DNAJC24: variants seen among roughly 807,000 people sequenced by gnomAD.
DNAJC24 encodes the protein dnaJ homolog subfamily C member 24.
In DNAJC24, 17 loss-of-function variants were observed where a neutral mutation model predicts 18.0. The observed-to-expected ratio is 0.94, with a 90% CI of 0.65 to 1.42. The LOEUF is 1.42. Among genes scored for constraint, DNAJC24 ranks in the 40% most tolerant of loss-of-function variants. DNAJC24 has a pLI of 0.00. For synonymous variants in DNAJC24, 55 were observed against 57.7 expected (o/e 0.95, Z 0.21); for missense variants, 158 against 175.6 (o/e 0.90, Z 0.57).
In DNAJC24 at chr11:31,370,753, TGGC is replaced by T; in HGVS notation, c.8_10del (p.Ala3del). On this transcript the variant is annotated inframe_deletion, in exon 2 of 5. Transcript: ENST00000465995. The stretch of plus-strand genomic sequence containing the variant: ...GGCCCACTTCTGGTTCCATGGATGA[TGGC>T]GGTTGAGCAGATGCCAAAAAAGGAT... 6.2e-7 allele frequency: 1 copy of T among 1,605,230 alleles called. No individual in the cohort carries two copies. The highest frequency in any genetic ancestry group is 8.5e-7 in the Non-Finnish European group (1 of 1,176,406).
At chr11:31,383,717 G>T (rs972034377) in intron 2 of DNAJC24, among the ~76,000 whole-genome samples, 24 of 152,224 alleles carry the variant, frequency 1.6e-4, no homozygotes. Flanking sequence ...CCCCCGGATT[G>T]CTGTATTGTG....
Position 31,430,530 on chromosome 11 carries a change from A to C in DNAJC24, c.*129A>C. 1.6e-6 allele frequency: 1 copy of C among 609,980 alleles called. No individual in the cohort carries two copies. Among genetic ancestry groups the C allele is most frequent in the Non-Finnish European group, 2.5e-6 (1 of 395,082 alleles). 37.8% of individuals were successfully genotyped at this position (609,980 alleles called of 1,614,324 possible). A position where few individuals can be genotyped will look rare whatever the true frequency, so the allele number is the denominator to read the frequency against. ...TTTGCAAAGAAAATATACAATTATC[A>C]AGCAGAGACCACCTCAGATTAATAG... On this transcript the variant is annotated 3_prime_UTR_variant, in exon 5 of 5. Transcript: ENST00000465995.
chr11:31,400,342 C>T (rs1952588541), intron 2 of DNAJC24, among the ~76,000 whole-genome samples: 1 of 152,110 alleles, frequency 6.6e-6, no homozygotes, highest in African/African-American at 2.4e-5. Flanking sequence ...ACACTGTCTT[C>T]CACAATGGTT....
intron 2 of DNAJC24, chr11:31,408,470 C>A: frequency 4.1e-6 from 1 of 244,302 alleles, no homozygotes; most frequent in Non-Finnish European, 8.2e-6. Context: ...AGCACTTAGA[C>A]TTAATATGTA....
At chr11:31,394,466 T>A (rs508689) in intron 2 of DNAJC24, among the ~76,000 whole-genome samples, 63,359 of 151,832 alleles carry the variant, frequency 0.42, 14,169 homozygotes, top group African/African-American at 0.57. Flanking sequence ...ATTAACGAGG[T>A]TCAACTAATT....
intron 2 of DNAJC24, among the ~76,000 whole-genome samples, chr11:31,388,472 A>G (rs1366125328): frequency 1.3e-5 from 2 of 152,218 alleles, no homozygotes; most frequent in African/African-American, 4.8e-5. Flanking sequence ...ACATATTTAA[A>G]GTGCTGAAGG....
intron 2 of DNAJC24, chr11:31,408,275 T>A: frequency 2.3e-6 from 1 of 444,378 alleles, no homozygotes; most frequent in Non-Finnish European, 4.5e-6. Flanking sequence ...GCGTAACAGT[T>A]GCTTGGAGAG....
chr11:31,387,050 T>C (rs1456293389), intron 2 of DNAJC24, among the ~76,000 whole-genome samples: 1 of 152,162 alleles, frequency 6.6e-6, no homozygotes, highest in East Asian at 1.9e-4. Flanking sequence ...AAAGACATTG[T>C]CTTGTGGCTT....
chr11:31,426,398 G>T (rs746177543), intron 4 of DNAJC24, 43 bp downstream of exon 4: 51 of 1,139,542 alleles, frequency 4.5e-5, no homozygotes, highest in Non-Finnish European at 6.0e-5. Context: ...AAAAAAAAAG[G>T]AATTTTCTAT....
rs567526415 is a variant in DNAJC24 at position 31,373,010 on chromosome 11, A to G, written c.111+2151A>G. ...ATTTATCTGATGACTAATGATGTTG[A>G]GCCCTTTTTAATGTGATAATTGGCC... On this transcript the variant is annotated intron_variant, in intron 2 of 4. Coordinates refer to ENST00000465995, the MANE Select transcript of DNAJC24 (RefSeq NM_181706.5). Among the ~76,000 whole-genome samples, 9 of 134,270 alleles carry G rather than the reference A, an allele frequency of 6.7e-5. 1 individual carries two copies. Among genetic ancestry groups the G allele is most frequent in the African/African-American group, 2.2e-4 (9 of 40,206 alleles). The allele number at this position is 134,270 out of a possible 152,430, so 88.1% of individuals were successfully genotyped here.
intron 2 of DNAJC24, among the ~76,000 whole-genome samples, chr11:31,406,346 G>C (rs1952658458): frequency 6.6e-6 from 1 of 152,150 alleles, no homozygotes; most frequent in African/African-American, 2.4e-5. Context: ...CTCTCCTCCT[G>C]TATGTTGCTG....
At position 31,432,661 on chromosome 11, in the gene DNAJC24, C is replaced by G. The variant is rs893707456; in HGVS notation, c.*2260C>G. 1.2e-6 allele frequency: 1 copy of G among 810,326 alleles called. No individual in the cohort carries two copies. The allele number at this position is 810,326 out of a possible 1,614,324, so 50.2% of individuals were successfully genotyped here. A position where few individuals can be genotyped will look rare whatever the true frequency, so the allele number is the denominator to read the frequency against. On this transcript the variant is annotated 3_prime_UTR_variant, in exon 5 of 5. Coordinates refer to ENST00000465995, the MANE Select transcript of DNAJC24 (RefSeq NM_181706.5). ...TTGCTATCTGTCCCTTTTCTCTATG[C>G]CAGATAAACACTTTCTCCTTACTCA...
At position 31,431,629 on chromosome 11, in the gene DNAJC24, T is replaced by A. The variant is rs1952924811; in HGVS notation, c.*1228T>A. 1 of 151,094 alleles carries A rather than the reference T, an allele frequency of 6.6e-6. No homozygotes were observed. The highest frequency in any genetic ancestry group is 2.1e-4 in the South Asian group (1 of 4,762). 9.4% of individuals were successfully genotyped at this position (151,094 alleles called of 1,614,324 possible). A position where few individuals can be genotyped will look rare whatever the true frequency, so the allele number is the denominator to read the frequency against. ...GAGTTCAAGACCACCCTGGCCAACATGGTGAAACCCCATATCTACTAAAAA... is the reference window on the plus strand; with the variant it reads ...GAGTTCAAGACCACCCTGGCCAACAAGGTGAAACCCCATATCTACTAAAAA... On this transcript the variant is annotated 3_prime_UTR_variant, in exon 5 of 5. Coordinates refer to ENST00000465995, the MANE Select transcript of DNAJC24 (RefSeq NM_181706.5).
chr11:31,395,254 A>G (rs1228822495), intron 2 of DNAJC24, among the ~76,000 whole-genome samples: 5 of 152,086 alleles, frequency 3.3e-5, no homozygotes, highest in Non-Finnish European at 7.4e-5. Flanking sequence ...TGTTGTGTTA[A>G]TATATGTACG....
intron 2 of DNAJC24, among the ~76,000 whole-genome samples, chr11:31,379,150 G>A (rs575573274): frequency 6.6e-6 from 1 of 152,054 alleles, no homozygotes; most frequent in South Asian, 2.1e-4. Flanking sequence ...CAGTCCCCGC[G>A]CTGCAAACCA....
In DNAJC24 at chr11:31,385,956, A is replaced by G. The variant is rs374903295; in HGVS notation, c.111+15097A>G. Among the ~76,000 whole-genome samples the G allele has an allele frequency of 9.9e-5, 15 of 152,276 alleles. No individual in the cohort carries two copies. In the East Asian group the frequency reaches 2.3e-3, roughly 24 times the overall value. ...GTGTGCTTGGGGAAGGGAGAGCACCATGCTCGTAGGATGTTGCATCCACAG... is the reference window on the plus strand; with the variant it reads ...GTGTGCTTGGGGAAGGGAGAGCACCGTGCTCGTAGGATGTTGCATCCACAG... On this transcript the variant is annotated intron_variant, in intron 2 of 4. Coordinates refer to ENST00000465995, the MANE Select transcript of DNAJC24 (RefSeq NM_181706.5).
intron 2 of DNAJC24, among the ~76,000 whole-genome samples, chr11:31,376,277 C>T (rs1005290863): frequency 6.6e-6 from 1 of 152,162 alleles, no homozygotes. Flanking sequence ...ATTGCTCAGT[C>T]CCGGGTATAT....
chr11:31,379,864 T>A (rs1467339133), intron 2 of DNAJC24, among the ~76,000 whole-genome samples: 3 of 152,064 alleles, frequency 2.0e-5, no homozygotes, highest in African/African-American at 7.2e-5. Context: ...TTCAAGCGAT[T>A]CTCCTCCCTC....
At chr11:31,403,403 C>T (rs1005492913) in intron 2 of DNAJC24, among the ~76,000 whole-genome samples, 13 of 152,084 alleles carry the variant, frequency 8.5e-5, no homozygotes, top group South Asian at 8.3e-4. Flanking sequence ...ACAGAGGTTA[C>T]GTTACATGCA....
Sources: gnomAD v4.1 joint callset for allele counts (sites outside exome capture counted in the v4.1 genomes callset) on GRCh38, gnomAD v4.1.1 for gene constraint, MANE v1.5 for transcripts, NCBI Gene and HGNC (gene_info 2026-07-23, HGNC 2026-07-21) for gene names.